The following ZC3H7B variants were observed in gnomAD, a reference collection of about 807,000 sequenced individuals.
ZC3H7B encodes the protein zinc finger CCCH-type containing 7B.
ZC3H7B carries 35 observed loss-of-function variants against 116.0 expected under a neutral mutation model. The observed-to-expected ratio is 0.30, with a 90% CI of 0.23 to 0.40. The LOEUF (loss-of-function observed/expected upper bound fraction) is 0.40. Among genes scored for constraint, ZC3H7B ranks in the 10% least tolerant of loss-of-function variants. ZC3H7B has a pLI of 1.00. For missense variants in ZC3H7B, 1,011 were observed against 1,321.5 expected (o/e 0.77, Z 3.64); for synonymous variants, 502 against 545.6 (o/e 0.92, Z 1.11).
chr22:41,347,390 C>G (rs1451175551), intron 14 of ZC3H7B, among the ~76,000 whole-genome samples: 2 of 152,242 alleles, frequency 1.3e-5, no homozygotes, highest in African/African-American at 4.8e-5. Flanking sequence ...GCCCTCCCCA[C>G]AGGGCGCTGT....
rs1414003479 is a variant in ZC3H7B, at chr22:41,302,524, C to CG, written c.-7+757dup. Among the ~76,000 whole-genome samples the CG allele has an allele frequency of 6.6e-6, 1 of 151,994 alleles. No homozygotes were observed. The highest frequency in any genetic ancestry group is 1.5e-5 in the Non-Finnish European group (1 of 67,956). ...GGACCCCGGCTCTGGCGCCTGGGGA[C>CG]GGGGGCGCCCTGACGGGGCTGGGGG... On this transcript the variant is annotated intron_variant, in intron 1 of 22. Coordinates refer to ENST00000352645, the MANE Select transcript of ZC3H7B (RefSeq NM_017590.6). The surrounding 1 kb of genome is among the most constrained non-coding windows in gnomAD (Gnocchi z 5.7).
rs941524906 is a variant in ZC3H7B, at chr22:41,357,585, C to T, written c.*156C>T. ...GGCCCTGTCCATCTTCTCCCCACCA[C>T]CGCCCCGGTGTGCGTACCCAGGCGC... On this transcript the variant is annotated 3_prime_UTR_variant, in exon 23 of 23. Coordinates refer to ENST00000352645, the MANE Select transcript of ZC3H7B (RefSeq NM_017590.6). This position sits in a 1 kb window ranked among gnomAD's most constrained non-coding sequence, Gnocchi z 5.4. 2.8e-5 allele frequency: 30 copies of T among 1,077,448 alleles called. No homozygotes were observed. In the African/African-American group the frequency reaches 4.4e-4, roughly 16 times the overall value. 66.7% of individuals were successfully genotyped at this position (1,077,448 alleles called of 1,614,324 possible).
At chr22:41,317,825 G>A (rs1394221570) in intron 1 of ZC3H7B, among the ~76,000 whole-genome samples, 2 of 152,060 alleles carry the variant, frequency 1.3e-5, no homozygotes, top group Admixed American at 6.6e-5. Context: ...AAGGGTGTGG[G>A]CTGTTAGGTG....
intron 17 of ZC3H7B, among the ~76,000 whole-genome samples, chr22:41,355,015 T>C (rs758066406): frequency 1.3e-5 from 2 of 152,174 alleles, no homozygotes; most frequent in Admixed American, 6.5e-5. Flanking sequence ...GTTTAGAGAC[T>C]GTGGGAGCTC....
At position 41,349,016 on chromosome 22, in the gene ZC3H7B, G is replaced by A; in HGVS notation, c.1767-104G>A. On this transcript the variant is annotated intron_variant, in intron 15 of 22. Transcript: ENST00000352645. The surrounding 1 kb of genome is among the most constrained non-coding windows in gnomAD (Gnocchi z 4.9). ...GCCTGGATTTGGTACATAGATCAGG[G>A]GGTGCCCAGGGAGAGCCTGGCACTG... The A allele has an allele frequency of 7.9e-7, 1 of 1,260,042 alleles. No homozygotes were observed. The highest frequency in any genetic ancestry group is 1.1e-6 in the Non-Finnish European group (1 of 905,934). 78.1% of individuals were successfully genotyped at this position (1,260,042 alleles called of 1,614,324 possible).
chr22:41,357,481 C>T lies in ZC3H7B; in HGVS notation c.*52C>T. The T allele has an allele frequency of 6.3e-7, 1 of 1,583,408 alleles. No individual in the cohort carries two copies. Among genetic ancestry groups the T allele is most frequent in the Non-Finnish European group, 8.6e-7 (1 of 1,166,864 alleles). On this transcript the variant is annotated 3_prime_UTR_variant, in exon 23 of 23. Coordinates refer to ENST00000352645, the MANE Select transcript of ZC3H7B (RefSeq NM_017590.6). The surrounding 1 kb of genome is among the most constrained non-coding windows in gnomAD (Gnocchi z 5.4). ...CCTGGGGTCAGGGGGTGGGGTGGGGCCAGAAGGCCTGATAGAAGGGTCAGG... is the reference window on the plus strand; with the variant it reads ...CCTGGGGTCAGGGGGTGGGGTGGGGTCAGAAGGCCTGATAGAAGGGTCAGG...
intron 7 of ZC3H7B, among the ~76,000 whole-genome samples, chr22:41,337,706 C>G (rs564020703): frequency 6.6e-6 from 1 of 152,290 alleles, no homozygotes; most frequent in Admixed American, 6.5e-5. Context: ...GGACCCTGCC[C>G]TGTGGTGGGT....
intron 1 of ZC3H7B, among the ~76,000 whole-genome samples, chr22:41,311,179 CTG>C (rs1240468468): frequency 6.6e-6 from 1 of 151,454 alleles, no homozygotes; most frequent in Non-Finnish European, 1.5e-5. Context: ...ACAGATATCC[CTG>C]ACCACTGAAT....
intron 2 of ZC3H7B, 42 bp downstream of exon 2, chr22:41,320,755 A>G: frequency 2.8e-6 from 2 of 703,188 alleles, no homozygotes; most frequent in Non-Finnish European, 2.4e-6. Context: ...TGGGTGGGCA[A>G]GGGTGGGTTC....
chr22:41,306,702 G>A (rs2036045819), intron 1 of ZC3H7B, among the ~76,000 whole-genome samples: 2 of 152,140 alleles, frequency 1.3e-5, no homozygotes, highest in Admixed American at 1.3e-4. Flanking sequence ...CCTAGAGGGA[G>A]GCACTGTAAT....
In ZC3H7B at chr22:41,302,730, G is replaced by A. The variant is rs2035987621; in HGVS notation, c.-7+958G>A. Among the ~76,000 whole-genome samples, 2 of 152,220 alleles carry A rather than the reference G, an allele frequency of 1.3e-5. No homozygotes were observed. Among genetic ancestry groups the A allele is most frequent in the South Asian group, 4.1e-4 (2 of 4,822 alleles). ...CAGACAAAGCCGTCTTCCCAGGGGG[G>A]AAAATAATCATATAAAAACAGCTCA... On this transcript the variant is annotated intron_variant, in intron 1 of 22. Transcript: ENST00000352645. The surrounding 1 kb of genome is among the most constrained non-coding windows in gnomAD (Gnocchi z 5.7).
intron 1 of ZC3H7B, among the ~76,000 whole-genome samples, chr22:41,317,624 T>TA (rs1031311000): frequency 1.6e-4 from 23 of 147,856 alleles, no homozygotes; most frequent in Admixed American, 8.8e-4. Context: ...ACCCCATCTC[T>TA]AAAAAAAAAA....
intron 15 of ZC3H7B, 135 bp from the exon 16 acceptor site, chr22:41,348,984 AT>A: frequency 1.0e-6 from 1 of 975,748 alleles, no homozygotes; most frequent in Non-Finnish European, 1.5e-6. Flanking sequence ...CTCCTGTGTC[AT>A]CCATGGCCTG....
In ZC3H7B at chr22:41,349,510, C is replaced by T. The variant is rs997907994; in HGVS notation, c.1948+209C>T. ...GAGGAGAGAAGCTCTGCTCTCAGGG[C>T]GCTTCCAGGCTCGGAGATCTGGGTT... On this transcript the variant is annotated intron_variant, in intron 16 of 22. Transcript: ENST00000352645. This position sits in a 1 kb window ranked among gnomAD's most constrained non-coding sequence, Gnocchi z 4.9. Among the ~76,000 whole-genome samples, 4 of 152,190 alleles carry T rather than the reference C, an allele frequency of 2.6e-5. No homozygotes were observed. The highest frequency in any genetic ancestry group is 2.1e-4 in the South Asian group (1 of 4,824).
chr22:41,340,201 G>T, intron 10 of ZC3H7B, 64 bp downstream of exon 10: 3 of 1,486,748 alleles, frequency 2.0e-6, no homozygotes, highest in Non-Finnish European at 2.7e-6. Context: ...TGGCCTCTTT[G>T]GTGCCTGGAG....
rs753401408 is a variant in ZC3H7B, at chr22:41,349,115, G to A, written c.1767-5G>A. ...TCGTGCCCCTCCTGCCTGCCCGCCC[G>A]CCAGGTGCCTGGTGCACATCGTCCG... is the stretch of plus-strand genomic sequence containing the variant. On this transcript the variant is annotated splice_region_variant and splice_polypyrimidine_tract_variant and intron_variant, in intron 15 of 22. Coordinates refer to ENST00000352645, the MANE Select transcript of ZC3H7B (RefSeq NM_017590.6). The surrounding 1 kb of genome is among the most constrained non-coding windows in gnomAD (Gnocchi z 4.9). 25 of 1,613,146 alleles carry A rather than the reference G, an allele frequency of 1.5e-5. No individual in the cohort carries two copies. Among genetic ancestry groups the A allele is most frequent in the East Asian group, 2.2e-5 (1 of 44,886 alleles).
chr22:41,324,458 A>G (rs2036293589), intron 2 of ZC3H7B, among the ~76,000 whole-genome samples: 1 of 152,234 alleles, frequency 6.6e-6, no homozygotes, highest in South Asian at 2.1e-4. Context: ...CTTCCTGCCA[A>G]GCAGCCTTGG....
intron 1 of ZC3H7B, among the ~76,000 whole-genome samples, chr22:41,316,042 G>A (rs1202376638): frequency 2.0e-5 from 3 of 150,238 alleles, no homozygotes; most frequent in Non-Finnish European, 2.9e-5. Flanking sequence ...TGCCCAGGCT[G>A]GAGTGCAATG....
intron 1 of ZC3H7B, among the ~76,000 whole-genome samples, chr22:41,318,628 G>T (rs898739026): frequency 2.7e-4 from 41 of 150,846 alleles, no homozygotes; most frequent in Admixed American, 3.3e-4. Flanking sequence ...GCGCGCCTGT[G>T]ATCTCAGCTG....
Sources: gnomAD v4.1 joint callset for allele counts (sites outside exome capture counted in the v4.1 genomes callset) on GRCh38, gnomAD v4.1.1 for gene constraint, Gnocchi (gnomAD v3.1) non-coding constraint, MANE v1.5 for transcripts, NCBI Gene and HGNC (gene_info 2026-07-23, HGNC 2026-07-21) for gene names.